NRIP1: variants seen among roughly 807,000 people sequenced by gnomAD.
The protein encoded by NRIP1 is nuclear receptor interacting protein 1.
Under a neutral mutation model 75.0 loss-of-function variants are expected in NRIP1, and 28 were observed. The observed-to-expected ratio is 0.37, with a 90% CI of 0.28 to 0.51. The LOEUF (loss-of-function observed/expected upper bound fraction) is 0.51. NRIP1 is among the 20% of genes least tolerant of loss of function. NRIP1 has a pLI of 0.92. For synonymous variants in NRIP1, 526 were observed against 487.6 expected, an observed-to-expected ratio of 1.08 and a Z score of -1.04; for missense variants, 1,435 against 1,343.7, an observed-to-expected ratio of 1.07 and a Z score of -1.06.
chr21:15,056,812 G>C (rs143370783), intron 1 of NRIP1, among the ~76,000 whole-genome samples: 9 of 152,108 alleles, frequency 5.9e-5, no homozygotes, highest in Admixed American at 4.6e-4. Flanking sequence ...ATACCTTTCA[G>C]TGTATAGGGA....
chr21:15,021,844 A>G (rs558420266), intron 2 of NRIP1, among the ~76,000 whole-genome samples: 4 of 152,270 alleles, frequency 2.6e-5, no homozygotes, highest in South Asian at 4.1e-4. Flanking sequence ...TAATGAGATA[A>G]CCATCTCATG....
intron 3 of NRIP1, among the ~76,000 whole-genome samples, chr21:15,001,558 A>G (rs2087850012): frequency 1.3e-5 from 2 of 151,990 alleles, no homozygotes. Context: ...TAACAATCAC[A>G]GAATTAAAAA....
At chr21:15,055,293 T>G (rs2089283101) in intron 1 of NRIP1, among the ~76,000 whole-genome samples, 1 of 152,212 alleles carries the variant, frequency 6.6e-6, no homozygotes, top group South Asian at 2.1e-4. Context: ...AGTGTTCTGG[T>G]CAACTAAAGG....
At chr21:15,012,444 TGTC>T (rs1187017877) in intron 3 of NRIP1, among the ~76,000 whole-genome samples, 1 of 128,382 alleles carries the variant, frequency 7.8e-6, no homozygotes, top group Non-Finnish European at 1.6e-5. Context: ...TACATTATAA[TGTC>T]TTTTTTTTTT....
Position 14,988,932 on chromosome 21 carries a change from C to CGAGGA in NRIP1, c.-334-20411_-334-20407dup, listed in dbSNP as rs542465399. ...AGAAGCAGAGATGAGGGAGGCAAAA[C>CGAGGA]GAGGAGAGGAGAGGAGAGGAGAGGG... On this transcript the variant is annotated intron_variant, in intron 3 of 3. Coordinates refer to ENST00000318948, the MANE Select transcript of NRIP1 (RefSeq NM_003489.4). Among the ~76,000 whole-genome samples, 54 of 151,804 alleles carry CGAGGA rather than the reference C, an allele frequency of 3.6e-4. 1 individual carries two copies. Among genetic ancestry groups the CGAGGA allele is most frequent in the South Asian group, 2.9e-3 (14 of 4,798 alleles).
chr21:14,991,735 A>G (rs555382979), intron 3 of NRIP1, among the ~76,000 whole-genome samples: 1 of 152,318 alleles, frequency 6.6e-6, no homozygotes, highest in Admixed American at 6.5e-5. Flanking sequence ...CAAAAAGTAA[A>G]TGGAATAAAA....
chr21:15,013,370 T>C (rs977135210), intron 3 of NRIP1, among the ~76,000 whole-genome samples: 1 of 152,182 alleles, frequency 6.6e-6, no homozygotes, highest in African/African-American at 2.4e-5. Flanking sequence ...GTTAGGATTA[T>C]CCATATGAGG....
intron 3 of NRIP1, among the ~76,000 whole-genome samples, chr21:15,008,053 C>T (rs1478905627): frequency 5.3e-5 from 8 of 152,192 alleles, no homozygotes; most frequent in Non-Finnish European, 1.0e-4. Context: ...GAAGACCCAG[C>T]ACCAATGTAA....
At chr21:15,016,607 G>A (rs1473511682) in intron 2 of NRIP1, among the ~76,000 whole-genome samples, 11 of 152,086 alleles carry the variant, frequency 7.2e-5, no homozygotes, top group Non-Finnish European at 4.4e-5. Flanking sequence ...AATGCTGGCC[G>A]GGCGCAGTGG....
intron 3 of NRIP1, among the ~76,000 whole-genome samples, chr21:14,974,764 G>C (rs1158016968): frequency 6.6e-6 from 1 of 152,106 alleles, no homozygotes; most frequent in Non-Finnish European, 1.5e-5. Flanking sequence ...TTTTTGTCCT[G>C]AGAACTGTAT....
intron 2 of NRIP1, among the ~76,000 whole-genome samples, chr21:15,043,024 C>T (rs973575322): frequency 2.0e-5 from 3 of 152,190 alleles, no homozygotes; most frequent in Non-Finnish European, 2.9e-5. Context: ...AACCAGGTGG[C>T]CTGGCTGAGT....
intron 1 of NRIP1, among the ~76,000 whole-genome samples, chr21:15,057,577 CTA>C (rs1458383803): frequency 6.6e-6 from 1 of 152,190 alleles, no homozygotes; most frequent in Non-Finnish European, 1.5e-5. Flanking sequence ...AGAATCCAGG[CTA>C]TGAGGCTTGC....
rs368477072 is a variant in NRIP1 at position 14,965,073 on chromosome 21, T to G, written c.3120A>C (p.Gly1040=). 4 of 1,613,678 alleles carry G rather than the reference T, an allele frequency of 2.5e-6. No homozygotes were observed. Among genetic ancestry groups the G allele is most frequent in the African/African-American group, 1.3e-5 (1 of 74,886 alleles). ...LNGCSMPSEK[G]PIKWVITDAE... is the part of the protein sequence containing the mutation. The stretch of plus-strand genomic sequence containing the variant: ...CATCAGTGATAACCCACTTAATGGG[T>G]CCTTTCTCACTGGGCATGGAACACC... The change falls in exon 4 of 4, where the codon GGA becomes GGC. Residue 1040 remains glycine, a synonymous_variant. Transcript: ENST00000318948.
chr21:15,025,557 C>A (rs1377203053), intron 2 of NRIP1, among the ~76,000 whole-genome samples: 1 of 151,906 alleles, frequency 6.6e-6, no homozygotes, highest in African/African-American at 2.4e-5. Flanking sequence ...TTTCAAAGCA[C>A]CTGCATGCAA....
At chr21:15,043,457 C>T (rs1197532473) in intron 2 of NRIP1, 38 bp downstream of exon 2, 2 of 152,132 alleles carry the variant, frequency 1.3e-5, no homozygotes, top group Non-Finnish European at 1.5e-5. Flanking sequence ...GGCTTGATAA[C>T]ATTTTTAAAA....
At chr21:15,036,677 TAA>T (rs541817082) in intron 2 of NRIP1, among the ~76,000 whole-genome samples, 1 of 146,852 alleles carries the variant, frequency 6.8e-6, no homozygotes. Flanking sequence ...CCTAATCAAA[TAA>T]AAAAAAAAGT....
chr21:14,971,574 A>G (rs2086903479), intron 3 of NRIP1: 1 of 152,230 alleles, frequency 6.6e-6, no homozygotes, highest in African/African-American at 2.4e-5. Flanking sequence ...GGCAAGGTGA[A>G]CATCCACCTT....
chr21:14,969,746 C>G (rs2086853546), intron 3 of NRIP1, among the ~76,000 whole-genome samples: 1 of 152,184 alleles, frequency 6.6e-6, no homozygotes, highest in Non-Finnish European at 1.5e-5. Flanking sequence ...CAATGCTTAA[C>G]TCTAAGTCAA....
chr21:15,064,388 G>A (rs937870572), intron 1 of NRIP1, among the ~76,000 whole-genome samples: 3 of 152,186 alleles, frequency 2.0e-5, no homozygotes, highest in Non-Finnish European at 4.4e-5. Context: ...CGGTGCCCGG[G>A]GTTCGGGACC....
Sources: allele counts gnomAD v4.1 joint callset (sites outside exome capture counted in the v4.1 genomes callset), GRCh38; gene constraint gnomAD v4.1.1; transcripts MANE v1.5; gene names NCBI Gene and HGNC (gene_info 2026-07-23, HGNC 2026-07-21).